SRCAP: variants seen among roughly 807,000 people sequenced by gnomAD.
The protein encoded by SRCAP is Snf2 related CREBBP activator protein.
In SRCAP, 46 loss-of-function variants were observed where a neutral mutation model predicts 263.1. The observed-to-expected ratio is 0.17, with a 90% CI of 0.14 to 0.22. The LOEUF (loss-of-function observed/expected upper bound fraction) is 0.22. Ranked by LOEUF, SRCAP falls within the 10% of genes least tolerant of loss-of-function variation. The pLI, the probability that SRCAP is intolerant of heterozygous loss-of-function variation, is 1.00. For synonymous variants in SRCAP, 1,813 were observed against 1,662.1 expected (o/e 1.09, Z -2.21); for missense variants, 3,695 against 4,181.9 (o/e 0.88, Z 3.21).
Position 30,709,999 on chromosome 16 carries a change from G to A in SRCAP, c.1005G>A (p.Leu335=), listed in dbSNP as rs369979842. ...RREGELPLEE[L]LRSLPPQLLE... is the part of the protein sequence containing the mutation. ...AGGGAGAATTGCCACTGGAAGAGCT[G>A]CTCCGTTCCCTTCCCCCTCAGCTGT... Residue 335 remains leucine (L), a synonymous_variant, in exon 8 of 34, where the codon CTG becomes CTA. Transcript: ENST00000262518. 1 of 1,614,204 alleles carries A rather than the reference G, an allele frequency of 6.2e-7. No individual in the cohort carries two copies. Among genetic ancestry groups the A allele is most frequent in the Non-Finnish European group, 8.5e-7 (1 of 1,180,038 alleles).
chr16:30,733,575 A>G lies in SRCAP; in HGVS notation c.6298-27A>G, dbSNP rs2053132598. On this transcript the variant is annotated intron_variant, in intron 28 of 33. Transcript: ENST00000262518. This position sits in a 1 kb window ranked among gnomAD's most constrained non-coding sequence, Gnocchi z 5.3. ...TGTTTTGGGGGATAAGTCTCCCAGT[A>G]TCATCTTTTTTTCCCTTTCCTTCTA... 1.2e-6 allele frequency: 2 copies of G among 1,605,316 alleles called. No homozygotes were observed. Among genetic ancestry groups the G allele is most frequent in the Non-Finnish European group, 1.7e-6 (2 of 1,173,980 alleles).
rs779481267 is a variant in SRCAP at position 30,700,837 on chromosome 16, C to G, written c.13C>G (p.Pro5Ala). The G allele has an allele frequency of 6.2e-7, 1 of 1,614,012 alleles. No individual in the cohort carries two copies. The highest frequency in any genetic ancestry group is 1.3e-5 in the African/African-American group (1 of 74,922). MQSS[P>A]SPAHPQLPVL... The stretch of plus-strand genomic sequence containing the variant: ...TGGGAGTGGGACCATGCAGAGCAGC[C>G]CCTCCCCTGCTCACCCTCAGCTCCC... The change falls in exon 3 of 34, where the codon CCC becomes GCC. Residue 5 changes from proline to alanine, a missense_variant. Physicochemically the swap from Pro to Ala is conservative, Grantham distance 27. Transcript: ENST00000262518.
In SRCAP at chr16:30,733,580, CT is replaced by C. The variant is rs751626705; in HGVS notation, c.6298-15del. The C allele has an allele frequency of 2.9e-5, 47 of 1,605,600 alleles. No individual in the cohort carries two copies. Among genetic ancestry groups the C allele is most frequent in the Non-Finnish European group, 3.8e-5 (45 of 1,174,242 alleles). On this transcript the variant is annotated intron_variant, in intron 28 of 33. Transcript: ENST00000262518. The surrounding 1 kb of genome is among the most constrained non-coding windows in gnomAD (Gnocchi z 5.3). ...TGGGGGATAAGTCTCCCAGTATCAT[CT>C]TTTTTTCCCTTTCCTTCTAGGCCTT...
intron 25 of SRCAP, among the ~76,000 whole-genome samples, chr16:30,726,962 A>G (rs995778679): frequency 6.6e-6 from 1 of 152,182 alleles, no homozygotes; most frequent in Non-Finnish European, 1.5e-5. Context: ...TTGGCCTCCC[A>G]AAGTGCTGGG....
rs2052868924 is a variant in SRCAP at position 30,709,872 on chromosome 16, A to G, written c.878A>G (p.Glu293Gly). 58 of 1,614,188 alleles carry G rather than the reference A, an allele frequency of 3.6e-5. No individual in the cohort carries two copies. The highest frequency in any genetic ancestry group is 4.7e-5 in the Non-Finnish European group (56 of 1,180,030). ...ATAGATGGGGACTTTCAACCCCAAG[A>G]GGATGAGGAAGAGGATGATGAGGAA... is the stretch of plus-strand genomic sequence containing the variant. ...DDEDGDFQPQ[E>G]DEEEDDEETI... The change falls in exon 8 of 34, where the codon GAG becomes GGG. Residue 293 changes from glutamate (E) to glycine (G), a missense_variant. Glu to Gly is a moderately conservative substitution (Grantham distance 98, BLOSUM62 -2). Transcript: ENST00000262518.
intron 7 of SRCAP, 27 bp from the exon 8 acceptor site, chr16:30,709,824 C>CT: frequency 6.2e-7 from 1 of 1,613,448 alleles, no homozygotes; most frequent in African/African-American, 1.3e-5. Context: ...GGCCCGTGGA[C>CT]TTTGTGACCT....
rs1441098482 is a variant in SRCAP, at chr16:30,712,372, T to C, written c.1926T>C (p.Ala642=). ...MYEKKLNGIL[A]DEMGLGKTIQ... is the part of the protein sequence containing the mutation. ...AGAAGAAGCTTAATGGCATTCTTGC[T>C]GATGAGATGGGGCTTGGGAAGACCA... Residue 642 remains alanine, a synonymous_variant, in exon 13 of 34, where the codon GCT becomes GCC. Transcript: ENST00000262518. The C allele has an allele frequency of 6.2e-7, 1 of 1,613,290 alleles. No individual in the cohort carries two copies. Among genetic ancestry groups the C allele is most frequent in the Non-Finnish European group, 8.5e-7 (1 of 1,179,586 alleles).
rs142637611 is a variant in SRCAP at position 30,724,547 on chromosome 16, A to G, written c.5123A>G (p.Gln1708Arg). 6.2e-7 allele frequency: 1 copy of G among 1,614,150 alleles called. No homozygotes were observed. Residue 1708 changes from glutamine (Q) to arginine (R), a missense_variant, in exon 25 of 34, where the codon CAG becomes CGG. Gln to Arg is a conservative substitution (Grantham distance 43). Around this residue, in one of 12 missense-constraint regions of SRCAP, gnomAD observed 1,347 missense variants for 1,304.4 expected, o/e 1.03. Transcript: ENST00000262518. ...QTLSLGTGNP[Q>R]GPFPTQTLSL... ...CTCTCTTTGGGAACGGGGAACCCCCAGGGACCCTTTCCAACTCAGACATTG... is the reference window on the plus strand; with the variant it reads ...CTCTCTTTGGGAACGGGGAACCCCCGGGGACCCTTTCCAACTCAGACATTG...
In SRCAP at chr16:30,733,183, A is replaced by T; in HGVS notation, c.6128-97A>T. 2.8e-6 allele frequency: 4 copies of T among 1,412,640 alleles called. No individual in the cohort carries two copies. Among genetic ancestry groups the T allele is most frequent in the Non-Finnish European group, 3.9e-6 (4 of 1,038,830 alleles). The allele number at this position is 1,412,640 out of a possible 1,614,324, so 87.5% of individuals were successfully genotyped here. A position where few individuals can be genotyped will look rare whatever the true frequency, so the allele number is the denominator to read the frequency against. ...CTAGGCTAATTGAAACTTTGGCTTA[A>T]AGCATTGATTATCTTTCAACCCCAG... On this transcript the variant is annotated intron_variant, in intron 27 of 33. Transcript: ENST00000262518. This position sits in a 1 kb window ranked among gnomAD's most constrained non-coding sequence, Gnocchi z 5.3.
intron 20 of SRCAP, 58 bp from the exon 21 acceptor site, chr16:30,721,131 C>G: frequency 6.5e-7 from 1 of 1,546,830 alleles, no homozygotes; most frequent in Non-Finnish European, 8.7e-7. Context: ...AGGCTTCTGG[C>G]ACCAGGCTAA....
intron 25 of SRCAP, 179 bp downstream of exon 25, chr16:30,725,261 TC>T: frequency 7.8e-7 from 1 of 1,284,558 alleles, no homozygotes. Flanking sequence ...TACCTCATGA[TC>T]CGCCTGCCTC....
chr16:30,707,135 T>G lies in SRCAP; in HGVS notation c.307-48T>G, dbSNP rs558804928. 3.8e-6 allele frequency: 6 copies of G among 1,587,690 alleles called. No homozygotes were observed. The East Asian group carries it at 9.0e-5, about 24-fold the overall frequency. On this transcript the variant is annotated intron_variant, in intron 4 of 33. Transcript: ENST00000262518. ...CAGGAATTCAGCCGTGGCAGTGAGATGGAGTGTGTGTTTAGAACTGTTGAT... is the reference window on the plus strand; with the variant it reads ...CAGGAATTCAGCCGTGGCAGTGAGAGGGAGTGTGTGTTTAGAACTGTTGAT...
At chr16:30,718,311 G>C (rs1040347138) in intron 18 of SRCAP, among the ~76,000 whole-genome samples, 6 of 151,942 alleles carry the variant, frequency 3.9e-5, no homozygotes, top group African/African-American at 1.5e-4. Flanking sequence ...CGAGTAGCTG[G>C]GATTACGGGC....
intron 22 of SRCAP, 78 bp from the exon 23 acceptor site, chr16:30,722,485 C>T (rs952325691): frequency 6.4e-7 from 1 of 1,557,528 alleles, no homozygotes; most frequent in Admixed American, 1.8e-5. Flanking sequence ...CTGTTCTTTT[C>T]TTCTCTTCTT....
At position 30,737,569 on chromosome 16, in the gene SRCAP, C is replaced by T; in HGVS notation, c.7529C>T (p.Ala2510Val). ...CCTCCTGCCTGTACCCCTCCACCAG[C>T]TCATACACCGCCTCCAGCCCAAACC... ...TPPPACTPPP[A>V]HTPPPAQTCL... The change falls in exon 34 of 34, where the codon GCT (alanine) becomes GTT (valine). Residue 2510 changes from alanine to valine, a missense_variant. By Grantham distance (64) the Ala-to-Val change is moderately conservative. Coordinates refer to ENST00000262518, the MANE Select transcript of SRCAP (RefSeq NM_006662.3). The T allele has an allele frequency of 6.2e-7, 1 of 1,614,134 alleles. No homozygotes were observed. The highest frequency in any genetic ancestry group is 8.5e-7 in the Non-Finnish European group (1 of 1,180,018).
rs1596639097 is a variant in SRCAP, at chr16:30,702,575, C to T, written c.55-1489C>T. Among the ~76,000 whole-genome samples the T allele has an allele frequency of 7.5e-5, 9 of 120,774 alleles. No individual in the cohort carries two copies. The South Asian group carries it at 2.6e-3, about 35-fold the overall frequency. The allele number at this position is 120,774 out of a possible 152,430, so 79.2% of individuals were successfully genotyped here. On this transcript the variant is annotated intron_variant, in intron 3 of 33. Coordinates refer to ENST00000262518, the MANE Select transcript of SRCAP (RefSeq NM_006662.3). ...TTCCCTCCCTCCCTCCCTTCCCTCC[C>T]TCCCTCCCTCCCTTCCCTGCCTTCC...
chr16:30,704,217 C>T lies in SRCAP; in HGVS notation c.208C>T (p.Pro70Ser), dbSNP rs760119570. The T allele has an allele frequency of 8.7e-6, 14 of 1,614,198 alleles. No homozygotes were observed. The highest frequency in any genetic ancestry group is 8.3e-5 in the Admixed American group (5 of 60,020). The stretch of plus-strand genomic sequence containing the variant: ...AGGCCCCCCAGATGGTGCCACAGTG[C>T]CCCTGGAGGGGTTCAGCTTATCCCA... ...PPGPPDGATVPLEGFSLSQAA... is the reference protein window; with the variant it reads ...PPGPPDGATVSLEGFSLSQAA... The change falls in exon 4 of 34, where the codon CCC becomes TCC. Residue 70 changes from proline (P) to serine (S), a missense_variant. Coordinates refer to ENST00000262518, the MANE Select transcript of SRCAP (RefSeq NM_006662.3).
chr16:30,720,926 T>A lies in SRCAP; in HGVS notation c.3201T>A (p.Pro1067=). ...CGCTTATTCCTGCATCTCGGCCTCCTGGCCCTGTCCTCTTGCCTCCACTGC... is the reference window on the plus strand; with the variant it reads ...CGCTTATTCCTGCATCTCGGCCTCCAGGCCCTGTCCTCTTGCCTCCACTGC... ...GPPLIPASRP[P]GPVLLPPLQP... is the part of the protein sequence containing the mutation. The change falls in exon 20 of 34, where the codon CCT becomes CCA. Residue 1067 remains proline, a synonymous_variant. Coordinates refer to ENST00000262518, the MANE Select transcript of SRCAP (RefSeq NM_006662.3). 6.2e-7 allele frequency: 1 copy of A among 1,613,898 alleles called. No homozygotes were observed. Among genetic ancestry groups the A allele is most frequent in the Non-Finnish European group, 8.5e-7 (1 of 1,179,870 alleles).
rs922261972 is a variant in SRCAP at position 30,734,709 on chromosome 16, ATGTT to A, written c.6729+96_6729+99del. 29 of 1,556,650 alleles carry A rather than the reference ATGTT, an allele frequency of 1.9e-5. No individual in the cohort carries two copies. The African/African-American group carries it at 4.0e-4, about 21-fold the overall frequency. ...TGTTGAGCTTGTCCAGGGGAAAGAG[ATGTT>A]TCTTCTGCTTCCCAGATTACAGTCA... On this transcript the variant is annotated intron_variant, in intron 31 of 33. Coordinates refer to ENST00000262518, the MANE Select transcript of SRCAP (RefSeq NM_006662.3).
Sources: gnomAD v4.1 joint callset for allele counts (sites outside exome capture counted in the v4.1 genomes callset) on GRCh38, gnomAD v4.1.1 for gene constraint, gnomAD v4.1.1 regional missense constraint, Gnocchi (gnomAD v3.1) non-coding constraint, MANE v1.5 for transcripts, NCBI Gene and HGNC (gene_info 2026-07-23, HGNC 2026-07-21) for gene names.